Variants in RPS6KA5 observed in about 807,000 individuals in gnomAD.
RPS6KA5 encodes ribosomal protein S6 kinase A5.
Under a neutral mutation model 85.5 loss-of-function variants are expected in RPS6KA5, and 27 were observed. That is an observed-to-expected ratio of 0.32 (90% CI 0.23 to 0.44). The LOEUF is 0.44. RPS6KA5 is among the 20% of genes least tolerant of loss of function. RPS6KA5 has a pLI of 1.00. For synonymous variants in RPS6KA5, 334 were observed against 348.2 expected (o/e 0.96, Z 0.46); for missense variants, 811 against 980.9 (o/e 0.83, Z 2.31).
intron 5 of RPS6KA5, among the ~76,000 whole-genome samples, chr14:90,935,723 T>C (rs950999106): frequency 6.6e-6 from 1 of 152,210 alleles, no homozygotes; most frequent in African/African-American, 2.4e-5. Flanking sequence ...TAAGTACAGA[T>C]ACTCTGTACT....
chr14:91,060,528 G>A lies in RPS6KA5; in HGVS notation c.-94C>T. The A allele has an allele frequency of 1.6e-6, 2 of 1,230,320 alleles. No individual in the cohort carries two copies. Among genetic ancestry groups the A allele is most frequent in the Non-Finnish European group, 2.0e-6 (2 of 978,994 alleles). 76.2% of individuals were successfully genotyped at this position (1,230,320 alleles called of 1,614,324 possible). A position where few individuals can be genotyped will look rare whatever the true frequency, so the allele number is the denominator to read the frequency against. On this transcript the variant is annotated 5_prime_UTR_variant, in exon 1 of 17. Coordinates refer to ENST00000614987, the MANE Select transcript of RPS6KA5 (RefSeq NM_004755.4). Reference sequence around the variant, plus strand: ...CTCGCAGCCGCTGCCGCGGCCCCAGGAGTCGGGGTGCGGCGGCTCCAGAAC... The same window carrying A: ...CTCGCAGCCGCTGCCGCGGCCCCAGAAGTCGGGGTGCGGCGGCTCCAGAAC...
At chr14:91,033,495 G>A (rs934700500) in intron 1 of RPS6KA5, among the ~76,000 whole-genome samples, 12 of 152,050 alleles carry the variant, frequency 7.9e-5, no homozygotes, top group Admixed American at 3.9e-4. Flanking sequence ...CCAGCTACTC[G>A]GGAGGCTGAG....
At chr14:90,960,378 G>C (rs151018344) in intron 3 of RPS6KA5, among the ~76,000 whole-genome samples, 63 of 152,212 alleles carry the variant, frequency 4.1e-4, no homozygotes, top group African/African-American at 1.4e-3. Context: ...AATTTGAGTT[G>C]AATTTTCAAA....
At chr14:90,929,045 CA>C (rs2140313380) in intron 5 of RPS6KA5, among the ~76,000 whole-genome samples, 1 of 151,950 alleles carries the variant, frequency 6.6e-6, no homozygotes, top group African/African-American at 2.4e-5. Context: ...AAAAAGGAAA[CA>C]AAAATCTATT....
In RPS6KA5 at chr14:90,862,438, C is replaced by CTCCTCG. The variant is rs1403442903; in HGVS notation, c.*9635_*9636insCGAGGA. On this transcript the variant is annotated 3_prime_UTR_variant, in exon 17 of 17. Coordinates refer to ENST00000614987, the MANE Select transcript of RPS6KA5 (RefSeq NM_004755.4). Reference sequence around the variant, plus strand: ...TACAGGTCTGTCCTTCTTCTTCCTCCTCCTCCTCCTCCTCCTCCTTCTTCT... The same window carrying CTCCTCG: ...TACAGGTCTGTCCTTCTTCTTCCTCCTCCTCGTCCTCCTCCTCCTCCTCCTTCTTCT... 9.3e-5 allele frequency: 13 copies of CTCCTCG among 139,094 alleles called. No homozygotes were observed. The highest frequency in any genetic ancestry group is 1.9e-4 in the Non-Finnish European group (12 of 62,244). The allele number at this position is 139,094 out of a possible 1,614,324, so 8.6% of individuals were successfully genotyped here. A position where few individuals can be genotyped will look rare whatever the true frequency, so the allele number is the denominator to read the frequency against.
At chr14:90,925,094 G>A (rs193230483) in intron 5 of RPS6KA5, among the ~76,000 whole-genome samples, 6 of 152,220 alleles carry the variant, frequency 3.9e-5, no homozygotes, top group Non-Finnish European at 5.9e-5. Flanking sequence ...GCCAAAGACC[G>A]GGCTCACAAG....
intron 3 of RPS6KA5, among the ~76,000 whole-genome samples, chr14:90,963,733 T>C (rs530376039): frequency 6.6e-6 from 1 of 152,344 alleles, no homozygotes; most frequent in East Asian, 1.9e-4. Flanking sequence ...GTAAATGGGA[T>C]AGCAGAGTAT....
chr14:90,854,136 A>C lies in RPS6KA5; in HGVS notation c.*17938T>G, dbSNP rs2032155766. 6.6e-6 allele frequency: 1 copy of C among 152,032 alleles called. No homozygotes were observed. The highest frequency in any genetic ancestry group is 1.5e-5 in the Non-Finnish European group (1 of 68,032). The allele number at this position is 152,032 out of a possible 1,614,324, so 9.4% of individuals were successfully genotyped here. On this transcript the variant is annotated 3_prime_UTR_variant, in exon 17 of 17. Coordinates refer to ENST00000614987, the MANE Select transcript of RPS6KA5 (RefSeq NM_004755.4). ...TTCCTCTAAACTAAGATATCTGTTT[A>C]TATAGACTATTGATGCAAACTAATT...
intron 1 of RPS6KA5, among the ~76,000 whole-genome samples, chr14:91,021,399 G>A (rs1439343332): frequency 6.6e-6 from 1 of 152,026 alleles, no homozygotes; most frequent in Non-Finnish European, 1.5e-5. Flanking sequence ...CCAGCACTTT[G>A]GGAGGCTGAA....
chr14:90,930,164 G>A (rs983314118), intron 5 of RPS6KA5, among the ~76,000 whole-genome samples: 7 of 152,134 alleles, frequency 4.6e-5, no homozygotes, highest in African/African-American at 9.7e-5. Context: ...GAGCCACCAC[G>A]CCCGGCCAGC....
At chr14:91,041,418 A>G (rs577929855) in intron 1 of RPS6KA5, among the ~76,000 whole-genome samples, 1 of 152,266 alleles carries the variant, frequency 6.6e-6, no homozygotes, top group Admixed American at 6.5e-5. Context: ...CTGCTATTTG[A>G]GATTATTTTT....
intron 1 of RPS6KA5, among the ~76,000 whole-genome samples, chr14:91,041,288 A>C (rs1258339960): frequency 6.6e-6 from 1 of 152,224 alleles, no homozygotes; most frequent in African/African-American, 2.4e-5. Flanking sequence ...TTACTGGGAC[A>C]ACAACTTTTT....
chr14:90,932,548 C>T (rs974660621), intron 5 of RPS6KA5, among the ~76,000 whole-genome samples: 2 of 152,152 alleles, frequency 1.3e-5, no homozygotes, highest in Non-Finnish European at 2.9e-5. Context: ...TATTTTATAT[C>T]ATCTCCTTTC....
intron 1 of RPS6KA5, among the ~76,000 whole-genome samples, chr14:91,043,282 C>T (rs1202519095): frequency 6.6e-6 from 1 of 152,060 alleles, no homozygotes; most frequent in African/African-American, 2.4e-5. Flanking sequence ...TCTTCCTCTC[C>T]ACTCTAAAAT....
At chr14:91,044,447 A>C (rs117776343) in intron 1 of RPS6KA5, among the ~76,000 whole-genome samples, 2,346 of 150,476 alleles carry the variant, frequency 0.016, 26 homozygotes, top group Middle Eastern at 0.027. Context: ...GAAAGAAAGA[A>C]AATTACCCAA....
At chr14:90,934,735 G>A (rs1379880967) in intron 5 of RPS6KA5, among the ~76,000 whole-genome samples, 1 of 152,134 alleles carries the variant, frequency 6.6e-6, no homozygotes, top group Non-Finnish European at 1.5e-5. Flanking sequence ...AAAGGGATCT[G>A]TGAAGCAGAC....
chr14:90,877,372 A>C (rs977536918), intron 14 of RPS6KA5, among the ~76,000 whole-genome samples: 1 of 152,200 alleles, frequency 6.6e-6, no homozygotes, highest in Non-Finnish European at 1.5e-5. Context: ...GCAGGCTACG[A>C]CTAGGTCTGA....
At chr14:90,934,736 T>C (rs2140329344) in intron 5 of RPS6KA5, among the ~76,000 whole-genome samples, 1 of 152,254 alleles carries the variant, frequency 6.6e-6, no homozygotes, top group Non-Finnish European at 1.5e-5. Flanking sequence ...AAGGGATCTG[T>C]GAAGCAGACA....
chr14:90,894,641 A>G (rs1191112490), intron 12 of RPS6KA5, 58 bp from the exon 13 acceptor site: 1 of 1,554,354 alleles, frequency 6.4e-7, no homozygotes, highest in East Asian at 2.3e-5. Flanking sequence ...GTCTATTAAC[A>G]TATAAAACAT....
Sources: allele counts gnomAD v4.1 joint callset (sites outside exome capture counted in the v4.1 genomes callset), GRCh38; gene constraint gnomAD v4.1.1; transcripts MANE v1.5; gene names NCBI Gene and HGNC (gene_info 2026-07-23, HGNC 2026-07-21).